Variants in PSMA6 observed in about 807,000 individuals in gnomAD.
PSMA6 encodes proteasome subunit alpha type-6.
For missense variants in PSMA6, 170 were observed against 294.8 expected (o/e 0.58, Z 3.10); for synonymous variants, 88 against 97.7 (o/e 0.90, Z 0.59).
chr14:35,284,777 T>C (rs763913240), intron 1 of PSMA6, among the ~76,000 whole-genome samples: 9 of 152,222 alleles, frequency 5.9e-5, no homozygotes, highest in Non-Finnish European at 7.3e-5. Context: ...AACTTCTCAG[T>C]GCCATCCTCT....
chr14:35,280,034 A>G (rs1433802447), intron 1 of PSMA6, among the ~76,000 whole-genome samples: 1 of 151,932 alleles, frequency 6.6e-6, no homozygotes, highest in Non-Finnish European at 1.5e-5. Context: ...CTGAGGCAGG[A>G]GAATGGCGTG....
intron 4 of PSMA6, 48 bp from the exon 5 acceptor site, chr14:35,312,833 T>G (rs778044084): frequency 1.3e-6 from 2 of 1,496,410 alleles, no homozygotes; most frequent in Non-Finnish European, 9.0e-7. Context: ...AGAGGAGATG[T>G]CATTGTATAA....
chr14:35,299,944 T>C (rs2051679070), intron 1 of PSMA6, among the ~76,000 whole-genome samples: 1 of 152,178 alleles, frequency 6.6e-6, no homozygotes, highest in African/African-American at 2.4e-5. Flanking sequence ...CAGAGATGAA[T>C]TGGCCCAGAT....
intron 1 of PSMA6, among the ~76,000 whole-genome samples, chr14:35,278,935 T>C (rs572776698): frequency 6.0e-4 from 92 of 152,336 alleles, no homozygotes; most frequent in African/African-American, 2.2e-3. Flanking sequence ...TTTTTTGTTT[T>C]TCTATACATA....
chr14:35,292,482 C>T lies in PSMA6; in HGVS notation c.6C>T (p.Ser2=). ...AAAGTAGTGCTTCTACCAACATGTC[C>T]CGTGGTTCCAGCGCCGGTTTTGACC... The part of the protein sequence containing the change: M[S]RGSSAGFDRH... The change falls in exon 1 of 7, where the codon TCC becomes TCT. Residue 2 remains serine (S), a synonymous_variant. Transcript: ENST00000261479. 1 of 1,613,696 alleles carries T rather than the reference C, an allele frequency of 6.2e-7. No homozygotes were observed. The highest frequency in any genetic ancestry group is 8.5e-7 in the Non-Finnish European group (1 of 1,179,762).
At chr14:35,284,327 G>A (rs1366312835) in intron 1 of PSMA6, among the ~76,000 whole-genome samples, 1 of 152,116 alleles carries the variant, frequency 6.6e-6, no homozygotes, top group Non-Finnish European at 1.5e-5. Flanking sequence ...CCTGTTAAGA[G>A]TTCTCCCTGT....
chr14:35,306,382 C>T (rs79049475), intron 1 of PSMA6, among the ~76,000 whole-genome samples: 8,814 of 152,072 alleles, frequency 0.058, 336 homozygotes, highest in Middle Eastern at 0.11. Context: ...GATAGTGAGA[C>T]GTCATCTCTA....
intron 1 of PSMA6, among the ~76,000 whole-genome samples, chr14:35,281,749 G>A (rs563619510): frequency 6.6e-6 from 1 of 152,034 alleles, no homozygotes; most frequent in East Asian, 1.9e-4. Context: ...TCTTCCCTAG[G>A]TTACTTAAAA....
chr14:35,310,958 A>G lies in PSMA6; in HGVS notation c.409+63A>G, dbSNP rs936141678. ...TTGAAACTTTTTACAGAACATGTAT[A>G]CAGAATTATTTAAATAACACTTGAG... On this transcript the variant is annotated intron_variant, in intron 4 of 6. Coordinates refer to ENST00000261479, the MANE Select transcript of PSMA6 (RefSeq NM_002791.3). 39 of 1,492,774 alleles carry G rather than the reference A, an allele frequency of 2.6e-5. No homozygotes were observed. The African/African-American group carries it at 4.8e-4, about 18-fold the overall frequency. 92.5% of individuals were successfully genotyped at this position (1,492,774 alleles called of 1,614,324 possible).
rs1305811009 is a variant in PSMA6, at chr14:35,309,008, T to A, written c.253+13T>A. On this transcript the variant is annotated intron_variant, in intron 3 of 6. Coordinates refer to ENST00000261479, the MANE Select transcript of PSMA6 (RefSeq NM_002791.3). ...ACCGGAATGACAGGTAATTAATCTG[T>A]AGATATACAAGACATCTGTAGATAT... The A allele has an allele frequency of 6.5e-7, 1 of 1,547,304 alleles. No homozygotes were observed. The highest frequency in any genetic ancestry group is 1.1e-5 in the South Asian group (1 of 87,752).
chr14:35,284,032 A>G (rs1479256019), intron 1 of PSMA6, among the ~76,000 whole-genome samples: 3 of 152,130 alleles, frequency 2.0e-5, no homozygotes, highest in Non-Finnish European at 4.4e-5. Flanking sequence ...TTATCTTCCC[A>G]AAGCATAATT....
chr14:35,284,816 A>C (rs1261963639), intron 1 of PSMA6, among the ~76,000 whole-genome samples: 1 of 152,172 alleles, frequency 6.6e-6, no homozygotes, highest in Non-Finnish European at 1.5e-5. Context: ...CAGTGAATTA[A>C]AGGTTTATTC....
upstream of PSMA6, chr14:35,292,208 G>T (rs568680051): frequency 3.3e-5 from 31 of 932,354 alleles, no homozygotes; most frequent in African/African-American, 5.0e-4. Context: ...CACGACCCAA[G>T]TTTCACGTCT....
chr14:35,297,119 GTTTTTT>G (rs924383407), intron 1 of PSMA6, among the ~76,000 whole-genome samples: 11 of 62,656 alleles, frequency 1.8e-4, no homozygotes, highest in Admixed American at 6.6e-4. Flanking sequence ...TCTTAACAAA[GTTTTTT>G]TTTTTTTTTT....
chr14:35,297,302 G>A (rs1303205388), intron 1 of PSMA6, among the ~76,000 whole-genome samples: 8 of 151,596 alleles, frequency 5.3e-5, no homozygotes, highest in South Asian at 4.2e-4. Context: ...TGCAAACTCC[G>A]CCTCCTGGGT....
intron 1 of PSMA6, among the ~76,000 whole-genome samples, chr14:35,301,861 A>C (rs1258551299): frequency 6.6e-6 from 1 of 152,332 alleles, no homozygotes. Flanking sequence ...TTCAGGGATG[A>C]CAGACACAAA....
At chr14:35,303,152 T>G (rs2051749483) in intron 1 of PSMA6, among the ~76,000 whole-genome samples, 1 of 152,214 alleles carries the variant, frequency 6.6e-6, no homozygotes, top group Non-Finnish European at 1.5e-5. Context: ...GTGGATTCTG[T>G]TATATTTCTC....
At position 35,310,903 on chromosome 14, in the gene PSMA6, T is replaced by C; in HGVS notation, c.409+8T>C. 1 of 1,607,094 alleles carries C rather than the reference T, an allele frequency of 6.2e-7. No individual in the cohort carries two copies. Among genetic ancestry groups the C allele is most frequent in the Non-Finnish European group, 8.5e-7 (1 of 1,176,424 alleles). On this transcript the variant is annotated splice_region_variant and intron_variant, in intron 4 of 6. Coordinates refer to ENST00000261479, the MANE Select transcript of PSMA6 (RefSeq NM_002791.3). The stretch of plus-strand genomic sequence containing the variant: ...TGAGGCCTCTTGGTTGTTGTAAGTA[T>C]GCTAAGAGGTCTCCCAAATAATTGA...
At chr14:35,285,343 AAAAACAAAAAAC>A (rs1262587468) in intron 1 of PSMA6, among the ~76,000 whole-genome samples, 3 of 34,236 alleles carry the variant, frequency 8.8e-5, no homozygotes, top group African/African-American at 1.4e-4. Flanking sequence ...CTATCTCAAA[AAAAACAAAAAAC>A]AAAAAAAAAA....
Sources: gnomAD v4.1 joint callset for allele counts (sites outside exome capture counted in the v4.1 genomes callset) on GRCh38, gnomAD v4.1.1 for gene constraint, MANE v1.5 for transcripts, NCBI Gene and HGNC (gene_info 2026-07-23, HGNC 2026-07-21) for gene names.